The following LMTK2 variants were observed in gnomAD, a reference collection of about 807,000 sequenced individuals.
The protein encoded by LMTK2 is lemur tail kinase 2, also known as serine/threonine-protein kinase LMTK2.
A neutral mutation model predicts 127.5 loss-of-function variants in LMTK2; 37 were observed. That is an observed-to-expected ratio of 0.29 (90% CI 0.22 to 0.38). LMTK2 has a LOEUF of 0.38. Ranked by LOEUF, LMTK2 falls within the 10% of genes least tolerant of loss-of-function variation. The pLI is 1.00. For synonymous variants in LMTK2, 819 were observed against 810.1 expected, an observed-to-expected ratio of 1.01 and a Z score of -0.19; for missense variants, 1,694 against 1,920.3, an observed-to-expected ratio of 0.88 and a Z score of 2.20.
intron 1 of LMTK2, among the ~76,000 whole-genome samples, chr7:98,136,111 G>A (rs897054988): frequency 2.0e-5 from 3 of 152,042 alleles, no homozygotes; most frequent in African/African-American, 7.2e-5. Context: ...GGAAGGATGG[G>A]GCATGCCAAA....
chr7:98,186,603 A>G (rs542300341), intron 8 of LMTK2, among the ~76,000 whole-genome samples: 5 of 152,280 alleles, frequency 3.3e-5, no homozygotes, highest in South Asian at 4.1e-4. Flanking sequence ...CTCAGAGTCT[A>G]TGTTATATGC....
intron 11 of LMTK2, among the ~76,000 whole-genome samples, chr7:98,202,993 C>G (rs983447112): frequency 2.0e-5 from 3 of 152,198 alleles, no homozygotes; most frequent in East Asian, 3.9e-4. Flanking sequence ...GCGAGGGTCC[C>G]CTCCCGCTCG....
chr7:98,193,888 C>T lies in LMTK2; in HGVS notation c.3423C>T (p.Leu1141=), dbSNP rs1226455318. The T allele has an allele frequency of 1.2e-6, 2 of 1,614,000 alleles. No individual in the cohort carries two copies. The highest frequency in any genetic ancestry group is 1.3e-5 in the African/African-American group (1 of 74,898). ...AGCAGCCCCTACCCGAGCCAGTCCT[C>T]CCCGAGCAAAGTCCTGCTGCCCAGG... is the stretch of plus-strand genomic sequence containing the variant. ...VQEQPLPEPV[L]PEQSPAAQDS... is the part of the protein sequence containing the mutation. Residue 1141 remains leucine, a synonymous_variant, in exon 11 of 14, where the codon CTC becomes CTT. Transcript: ENST00000297293. The surrounding 1 kb of genome is among the most constrained non-coding windows in gnomAD (Gnocchi z 4.1).
chr7:98,116,854 G>A (rs1410525957), intron 1 of LMTK2, among the ~76,000 whole-genome samples: 1 of 152,220 alleles, frequency 6.6e-6, no homozygotes, highest in Non-Finnish European at 1.5e-5. Context: ...CTTGTTTAGA[G>A]TGACCTGGAC....
chr7:98,161,487 C>A (rs1167875939), intron 6 of LMTK2, among the ~76,000 whole-genome samples: 2 of 152,146 alleles, frequency 1.3e-5, no homozygotes, highest in Non-Finnish European at 2.9e-5. Context: ...GATACCGAGA[C>A]TCAGTGTGCT....
intron 3 of LMTK2, among the ~76,000 whole-genome samples, chr7:98,142,815 G>C (rs1299223889): frequency 6.6e-6 from 1 of 152,200 alleles, no homozygotes; most frequent in Non-Finnish European, 1.5e-5. Flanking sequence ...ATTCATTTCT[G>C]ATTTTCTCTT....
chr7:98,187,639 T>G (rs1428396376), intron 9 of LMTK2, among the ~76,000 whole-genome samples: 1 of 152,126 alleles, frequency 6.6e-6, no homozygotes, highest in Non-Finnish European at 1.5e-5. Context: ...AGAGTCTCAC[T>G]GTCGCCCAGG....
intron 6 of LMTK2, among the ~76,000 whole-genome samples, chr7:98,160,437 A>G (rs986014661): frequency 6.6e-6 from 1 of 152,220 alleles, no homozygotes; most frequent in Non-Finnish European, 1.5e-5. Context: ...TCTGTGGCTC[A>G]TTGCAACAAA....
chr7:98,207,840 C>G lies in LMTK2; in HGVS notation c.*2348C>G, dbSNP rs1335025548. The G allele has an allele frequency of 1.3e-5, 2 of 152,184 alleles. No homozygotes were observed. Among genetic ancestry groups the G allele is most frequent in the Non-Finnish European group, 2.9e-5 (2 of 68,054 alleles). The allele number at this position is 152,184 out of a possible 1,614,324, so 9.4% of individuals were successfully genotyped here. ...CGGTGGCTCACGCCTGCAATCCCAA[C>G]ACATTGGGGGGTCGAGGCGGACGGA... On this transcript the variant is annotated 3_prime_UTR_variant, in exon 14 of 14. Coordinates refer to ENST00000297293, the MANE Select transcript of LMTK2 (RefSeq NM_014916.4).
intron 7 of LMTK2, among the ~76,000 whole-genome samples, chr7:98,184,833 T>C (rs186933748): frequency 7.2e-4 from 109 of 152,366 alleles, no homozygotes; most frequent in Admixed American, 1.8e-3. Context: ...CCTGAGCTAG[T>C]TACTTGCCTA....
chr7:98,107,839 G>A (rs937661184), intron 1 of LMTK2, among the ~76,000 whole-genome samples: 1 of 152,182 alleles, frequency 6.6e-6, no homozygotes, highest in African/African-American at 2.4e-5. Context: ...GGAAGCCAGT[G>A]ATTAGAGTAG....
chr7:98,129,581 G>T (rs1470884864), intron 1 of LMTK2, among the ~76,000 whole-genome samples: 1 of 151,650 alleles, frequency 6.6e-6, no homozygotes, highest in African/African-American at 2.4e-5. Flanking sequence ...GCCCATGCTG[G>T]TCTTGAACTC....
chr7:98,198,313 C>A (rs180845170), intron 11 of LMTK2, among the ~76,000 whole-genome samples: 77 of 152,136 alleles, frequency 5.1e-4, no homozygotes, highest in East Asian at 3.9e-4. Flanking sequence ...GCCTCCACCT[C>A]CTCAATAGCT....
intron 7 of LMTK2, among the ~76,000 whole-genome samples, chr7:98,177,433 G>T (rs1797294090): frequency 6.6e-6 from 1 of 152,202 alleles, no homozygotes; most frequent in South Asian, 2.1e-4. Context: ...TTATGGTGGG[G>T]AGGCCACACA....
intron 4 of LMTK2, 107 bp downstream of exon 4, chr7:98,151,562 T>C: frequency 2.4e-6 from 2 of 840,930 alleles, no homozygotes; most frequent in Non-Finnish European, 3.8e-6. Context: ...CTGTGGGCCC[T>C]GCGTTACTAA....
chr7:98,107,938 C>T (rs1160219051), intron 1 of LMTK2, among the ~76,000 whole-genome samples: 2 of 151,954 alleles, frequency 1.3e-5, no homozygotes, highest in Admixed American at 6.6e-5. Flanking sequence ...TCTTTTCTCC[C>T]CCCCCGCCCA....
intron 13 of LMTK2, among the ~76,000 whole-genome samples, chr7:98,205,046 CCCCG>C (rs1293135479): frequency 1.3e-5 from 2 of 152,190 alleles, no homozygotes; most frequent in East Asian, 3.9e-4. Flanking sequence ...AGCCTTCTTT[CCCCG>C]TCACTAGATT....
At chr7:98,203,540 C>G (rs949322003) in intron 11 of LMTK2, 34 bp from the exon 12 acceptor site, 1 of 1,569,238 alleles carries the variant, frequency 6.4e-7, no homozygotes, top group Admixed American at 2.1e-5. Context: ...GTGAGCAGGC[C>G]TTTGCTGACA....
chr7:98,160,061 C>T (rs1474964531), intron 6 of LMTK2, among the ~76,000 whole-genome samples: 1 of 152,128 alleles, frequency 6.6e-6, no homozygotes, highest in Non-Finnish European at 1.5e-5. Context: ...AACATCTTTT[C>T]CCGCATGCAG....
Sources: gnomAD v4.1 joint callset for allele counts (sites outside exome capture counted in the v4.1 genomes callset) on GRCh38, gnomAD v4.1.1 for gene constraint, Gnocchi (gnomAD v3.1) non-coding constraint, MANE v1.5 for transcripts, NCBI Gene and HGNC (gene_info 2026-07-23, HGNC 2026-07-21) for gene names.